Variants in GFOD2 observed in about 807,000 individuals in gnomAD.
GFOD2 encodes the protein Gfo/Idh/MocA-like oxidoreductase domain containing 2.
In GFOD2, 9 loss-of-function variants were observed where a neutral mutation model predicts 24.6. The observed-to-expected ratio is 0.37, with a 90% CI of 0.22 to 0.64. The LOEUF (loss-of-function observed/expected upper bound fraction) is 0.64, where lower values mean the gene tolerates loss of function less well. Ranked by LOEUF, GFOD2 falls within the 30% of genes least tolerant of loss-of-function variation. GFOD2 has a pLI of 0.65. For missense variants in GFOD2, 476 were observed against 532.5 expected, an observed-to-expected ratio of 0.89 and a Z score of 1.04; for synonymous variants, 211 against 224.8, an observed-to-expected ratio of 0.94 and a Z score of 0.55.
At chr16:67,678,609 C>T (rs2053201493) in intron 2 of GFOD2, among the ~76,000 whole-genome samples, 1 of 152,192 alleles carries the variant, frequency 6.6e-6, no homozygotes, top group African/African-American at 2.4e-5. Context: ...CCAGAAATTC[C>T]TGTGCTCAAA....
intron 1 of GFOD2, among the ~76,000 whole-genome samples, chr16:67,689,607 G>A (rs1048247946): frequency 6.6e-6 from 1 of 151,916 alleles, no homozygotes; most frequent in African/African-American, 2.4e-5. Flanking sequence ...GGAGGCGGAG[G>A]TTGCAGTGAG....
intron 1 of GFOD2, among the ~76,000 whole-genome samples, chr16:67,717,470 C>T (rs1250565981): frequency 1.3e-5 from 2 of 152,112 alleles, no homozygotes; most frequent in East Asian, 3.9e-4. Flanking sequence ...CTATAGAAAT[C>T]AGATAGCAAT....
intron 1 of GFOD2, among the ~76,000 whole-genome samples, chr16:67,688,734 CTTTT>C (rs113977188): frequency 6.8e-4 from 89 of 131,096 alleles, no homozygotes; most frequent in Non-Finnish European, 1.1e-3. Flanking sequence ...ATAAAATTTA[CTTTT>C]TTTTTTTTTT....
chr16:67,685,967 A>G (rs1395448031), intron 1 of GFOD2, among the ~76,000 whole-genome samples, 165 bp from the exon 2 acceptor site: 9 of 152,154 alleles, frequency 5.9e-5, no homozygotes, highest in Admixed American at 5.9e-4. Context: ...CCAGAAAAGC[A>G]CAAATGAAAT....
chr16:67,683,628 T>C (rs765186610), intron 2 of GFOD2: 328 of 1,231,628 alleles, frequency 2.7e-4, no homozygotes, highest in Non-Finnish European at 3.2e-4. Flanking sequence ...TTGCTCCAAA[T>C]TGACAACCGG....
chr16:67,675,955 C>G lies in GFOD2; in HGVS notation c.358G>C (p.Val120Leu), dbSNP rs1292517769. The part of the protein sequence containing the change: ...SRYYPQLMSL[V>L]GNVLRFLPAF... ...GGCAGGAAGCGCAGCACGTTCCCTA[C>G]CAGGCTCATGAGCTGCGGGTAGTAG... The change falls in exon 3 of 3, where the codon GTA becomes CTA. Residue 120 changes from valine (V) to leucine (L), a missense_variant. Val to Leu is a conservative substitution (Grantham distance 32). Coordinates refer to ENST00000268797, the MANE Select transcript of GFOD2 (RefSeq NM_030819.4). 4.3e-6 allele frequency: 7 copies of G among 1,614,106 alleles called. No individual in the cohort carries two copies. Among genetic ancestry groups the G allele is most frequent in the Non-Finnish European group, 5.9e-6 (7 of 1,180,064 alleles).
intron 2 of GFOD2, chr16:67,681,881 T>C (rs775901252): frequency 4.0e-5 from 39 of 985,024 alleles, no homozygotes; most frequent in Non-Finnish European, 4.5e-5. Flanking sequence ...AAGGGAGAGA[T>C]TGGAGAAGCT....
intron 1 of GFOD2, among the ~76,000 whole-genome samples, chr16:67,689,500 A>G (rs1185167392): frequency 1.3e-5 from 2 of 151,374 alleles, no homozygotes; most frequent in African/African-American, 2.4e-5. Flanking sequence ...GTGAAACCCC[A>G]TCTCTACTAA....
rs754653511 is a variant in GFOD2, at chr16:67,674,914, C to G, written c.*241G>C. 2.0e-6 allele frequency: 1 copy of G among 512,054 alleles called. No individual in the cohort carries two copies. Among genetic ancestry groups the G allele is most frequent in the East Asian group, 3.2e-5 (1 of 31,158 alleles). The allele number at this position is 512,054 out of a possible 1,614,324, so 31.7% of individuals were successfully genotyped here. A position where few individuals can be genotyped will look rare whatever the true frequency, so the allele number is the denominator to read the frequency against. On this transcript the variant is annotated 3_prime_UTR_variant, in exon 3 of 3. Transcript: ENST00000268797. ...ACTCACTGGCATCACCATGAGGAGG[C>G]CTGGCGGCAGCTCTGCCCTGTGCAC...
intron 2 of GFOD2, 48 bp from the exon 3 acceptor site, chr16:67,676,101 TC>T: frequency 6.6e-7 from 1 of 1,503,814 alleles, no homozygotes. Flanking sequence ...AGGGGGAATC[TC>T]CAGCATGTCC....
intron 2 of GFOD2, chr16:67,676,973 G>A (rs779037200): frequency 4.6e-5 from 7 of 152,160 alleles, no homozygotes; most frequent in East Asian, 1.9e-4. Flanking sequence ...GGTTCAAGTC[G>A]AAGGAAATCC....
At chr16:67,680,047 C>G (rs1312093950) in intron 2 of GFOD2, among the ~76,000 whole-genome samples, 4 of 152,188 alleles carry the variant, frequency 2.6e-5, no homozygotes, top group Non-Finnish European at 5.9e-5. Context: ...AGATGAGTGA[C>G]AGCACGCCCA....
At position 67,695,788 on chromosome 16, in the gene GFOD2, G is replaced by A. The variant is rs1363136875; in HGVS notation, c.-87-9986C>T. 4.0e-5 allele frequency among the ~76,000 whole-genome samples: 6 copies of A among 151,764 alleles called. No homozygotes were observed. The East Asian group carries it at 7.8e-4, about 20-fold the overall frequency. On this transcript the variant is annotated intron_variant, in intron 1 of 2. Coordinates refer to ENST00000268797, the MANE Select transcript of GFOD2 (RefSeq NM_030819.4). The stretch of plus-strand genomic sequence containing the variant: ...TGACCTCAGGTGATCCTCCTGCCTC[G>A]GCCTCCCAAAGTGCTAAGATTACAG...
chr16:67,682,866 C>T, intron 2 of GFOD2: 2 of 982,024 alleles, frequency 2.0e-6, no homozygotes. Flanking sequence ...GGCTCTCAAT[C>T]CTTCATGTCC....
intron 1 of GFOD2, among the ~76,000 whole-genome samples, chr16:67,717,792 A>G (rs1019181598): frequency 6.0e-5 from 9 of 150,610 alleles, no homozygotes; most frequent in African/African-American, 2.0e-4. Context: ...CTCCGTCTCG[A>G]TAGATAGATA....
At position 67,676,030 on chromosome 16, in the gene GFOD2, C is replaced by T. The variant is rs759973834; in HGVS notation, c.283G>A (p.Glu95Lys). 17 of 1,611,846 alleles carry T rather than the reference C, an allele frequency of 1.1e-5. No homozygotes were observed. Among genetic ancestry groups the T allele is most frequent in the East Asian group, 6.7e-5 (3 of 44,814 alleles). ...GCATCCACCGATGTTGCTGCCTTCT[C>T]GCAAACCACATTCTTCCCAATACCT... ...ALGIGKNVVC[E>K]KAATSVDAFR... The change falls in exon 3 of 3, where the codon GAG (glutamate) becomes AAG (lysine). Residue 95 changes from glutamate to lysine, a missense_variant. Glu to Lys is a moderately conservative substitution (Grantham distance 56). Transcript: ENST00000268797.
intron 1 of GFOD2, among the ~76,000 whole-genome samples, chr16:67,698,257 G>C (rs991969909): frequency 1.3e-5 from 2 of 152,110 alleles, no homozygotes; most frequent in Non-Finnish European, 2.9e-5. Flanking sequence ...CTTTTGCTGG[G>C]TTCCAGTGAC....
intron 1 of GFOD2, among the ~76,000 whole-genome samples, chr16:67,713,852 C>T (rs565110866): frequency 1.3e-5 from 2 of 152,152 alleles, no homozygotes; most frequent in African/African-American, 4.8e-5. Context: ...TCTAATCATG[C>T]TTTGATGTTT....
At chr16:67,700,122 C>T (rs373619761) in intron 1 of GFOD2, among the ~76,000 whole-genome samples, 3 of 151,352 alleles carry the variant, frequency 2.0e-5, no homozygotes, top group East Asian at 4.0e-4. Context: ...GCCTATAATC[C>T]CAGCACTTTG....
Sources: gnomAD v4.1 joint callset for allele counts (sites outside exome capture counted in the v4.1 genomes callset) on GRCh38, gnomAD v4.1.1 for gene constraint, MANE v1.5 for transcripts, NCBI Gene and HGNC (gene_info 2026-07-23, HGNC 2026-07-21) for gene names.